RORA: variants seen among roughly 807,000 people sequenced by gnomAD.
RORA encodes the protein nuclear receptor ROR-alpha.
In RORA, 7 loss-of-function variants were observed where a neutral mutation model predicts 69.5. That is an observed-to-expected ratio of 0.10 (90% CI 0.06 to 0.19). The LOEUF (loss-of-function observed/expected upper bound fraction) is 0.19. Among genes scored for constraint, RORA ranks in the 10% least tolerant of loss-of-function variants. The pLI, the probability that RORA is intolerant of heterozygous loss-of-function variation, is 1.00. For synonymous variants in RORA, 261 were observed against 240.8 expected, an observed-to-expected ratio of 1.08 and a Z score of -0.78; for missense variants, 457 against 663.0, an observed-to-expected ratio of 0.69 and a Z score of 3.41.
At chr15:60,540,562 T>G (rs1304747851) in intron 2 of RORA, among the ~76,000 whole-genome samples, 5 of 44,108 alleles carry the variant, frequency 1.1e-4, no homozygotes, top group Admixed American at 6.5e-4. Context: ...ACAATTTCCA[T>G]GACCCCCCCC....
chr15:61,159,547 TA>T (rs1230564748), intron 1 of RORA, among the ~76,000 whole-genome samples: 1 of 152,202 alleles, frequency 6.6e-6, no homozygotes, highest in Non-Finnish European at 1.5e-5. Context: ...GATCTTTTTT[TA>T]TAACTACAAA....
intron 1 of RORA, among the ~76,000 whole-genome samples, chr15:61,090,309 G>C (rs2078686813): frequency 6.6e-6 from 1 of 152,140 alleles, no homozygotes; most frequent in Non-Finnish European, 1.5e-5. Flanking sequence ...CTACCTTCCA[G>C]TTCTCAGTTT....
intron 1 of RORA, among the ~76,000 whole-genome samples, chr15:60,758,590 T>A (rs2071836345): frequency 6.6e-6 from 1 of 152,304 alleles, no homozygotes; most frequent in Admixed American, 6.5e-5. Flanking sequence ...ACCTCCATGG[T>A]AACAGCTAAT....
chr15:60,799,518 T>C (rs1244648791), intron 1 of RORA, among the ~76,000 whole-genome samples: 1 of 152,096 alleles, frequency 6.6e-6, no homozygotes, highest in Admixed American at 6.5e-5. Flanking sequence ...CAAAACACAA[T>C]AGCTCCTCTT....
intron 2 of RORA, among the ~76,000 whole-genome samples, chr15:60,611,539 TCAAA>T (rs1389108913): frequency 6.0e-5 from 6 of 99,498 alleles, no homozygotes; most frequent in African/African-American, 2.4e-4. Flanking sequence ...TATCTTTACC[TCAAA>T]CAATCTTGAG....
intron 2 of RORA, among the ~76,000 whole-genome samples, chr15:60,632,567 G>A (rs11630262): frequency 0.14 from 21,953 of 151,930 alleles, 1,859 homozygotes; most frequent in Middle Eastern, 0.25. Flanking sequence ...ATTGTTCATC[G>A]ACACTGAGTC....
intron 1 of RORA, among the ~76,000 whole-genome samples, chr15:60,919,018 G>T (rs534740160): frequency 1.3e-4 from 20 of 152,172 alleles, no homozygotes; most frequent in Non-Finnish European, 2.5e-4. Flanking sequence ...GAGGTGGTAG[G>T]TTCCATCTAC....
intron 1 of RORA, among the ~76,000 whole-genome samples, chr15:61,079,531 G>T (rs62005642): frequency 0.061 from 9,348 of 152,218 alleles, 418 homozygotes; most frequent in East Asian, 0.14. Context: ...TAGCTACGTC[G>T]ACTAGTTCAT....
intron 1 of RORA, among the ~76,000 whole-genome samples, chr15:60,803,630 T>C (rs934231118): frequency 1.3e-5 from 2 of 152,218 alleles, no homozygotes; most frequent in African/African-American, 4.8e-5. Flanking sequence ...GCTAATTCCC[T>C]GTCAAATCAT....
chr15:60,726,901 C>T (rs1422682904), intron 1 of RORA, among the ~76,000 whole-genome samples: 1 of 152,152 alleles, frequency 6.6e-6, no homozygotes, highest in African/African-American at 2.4e-5. Flanking sequence ...AGGAGAGGCC[C>T]TTAATCCTCA....
chr15:60,597,597 C>CATATAT (rs1213736725), intron 2 of RORA, among the ~76,000 whole-genome samples: 1,816 of 31,330 alleles, frequency 0.058, 310 homozygotes, highest in South Asian at 0.18. Flanking sequence ...TATATATACA[C>CATATAT]ATATATATAT....
intron 1 of RORA, among the ~76,000 whole-genome samples, chr15:61,157,817 G>A (rs887440370): frequency 6.6e-6 from 1 of 152,164 alleles, no homozygotes; most frequent in Non-Finnish European, 1.5e-5. Context: ...ATAAATAAAT[G>A]TGTTCATGGT....
At chr15:60,877,328 C>T (rs1010053154) in intron 1 of RORA, among the ~76,000 whole-genome samples, 1 of 152,160 alleles carries the variant, frequency 6.6e-6, no homozygotes, top group East Asian at 1.9e-4. Context: ...CACTCTTAAC[C>T]TTCTCATCTA....
intron 1 of RORA, among the ~76,000 whole-genome samples, chr15:60,746,424 G>T (rs1036158801): frequency 6.6e-6 from 1 of 152,076 alleles, no homozygotes; most frequent in Non-Finnish European, 1.5e-5. Context: ...ACTACATGGT[G>T]GGTGGAGAGT....
Position 60,904,312 on chromosome 15 carries a change from A to G in RORA, c.167-225626T>C, listed in dbSNP as rs544041357. 1.6e-4 allele frequency among the ~76,000 whole-genome samples: 24 copies of G among 152,242 alleles called. No homozygotes were observed. In the South Asian group the frequency reaches 4.8e-3, roughly 30 times the overall value. On this transcript the variant is annotated intron_variant, in intron 1 of 10. Coordinates refer to ENST00000335670, the MANE Select transcript of RORA (RefSeq NM_134261.3). ...GAGTAAGGAGAGAGTCTTTTCCCTC[A>G]ATGGTTATTTGCATGGGGGCTAAGG...
intron 2 of RORA, among the ~76,000 whole-genome samples, chr15:60,556,319 A>C (rs1453438994): frequency 1.3e-5 from 2 of 152,110 alleles, no homozygotes; most frequent in South Asian, 4.1e-4. Context: ...TCTACCCTCA[A>C]AATTGAGGGT....
chr15:60,587,846 A>G (rs562122622), intron 2 of RORA, among the ~76,000 whole-genome samples: 1 of 152,220 alleles, frequency 6.6e-6, no homozygotes, highest in Non-Finnish European at 1.5e-5. Context: ...ATCCAGAAAC[A>G]AAAGATTTCA....
intron 1 of RORA, among the ~76,000 whole-genome samples, chr15:60,984,190 T>C (rs748283649): frequency 6.6e-6 from 1 of 152,154 alleles, no homozygotes; most frequent in Admixed American, 6.5e-5. Flanking sequence ...AGCACCCCGA[T>C]TGAGTAATGA....
chr15:61,211,464 A>C (rs932064376), intron 1 of RORA, among the ~76,000 whole-genome samples: 1 of 152,212 alleles, frequency 6.6e-6, no homozygotes, highest in African/African-American at 2.4e-5. Context: ...TCAAACACAC[A>C]CAAAATATTT....
Sources: allele counts gnomAD v4.1 joint callset (sites outside exome capture counted in the v4.1 genomes callset), GRCh38; gene constraint gnomAD v4.1.1; transcripts MANE v1.5; gene names NCBI Gene and HGNC (gene_info 2026-07-23, HGNC 2026-07-21).